CACNA1A: variants seen among roughly 807,000 people sequenced by gnomAD.
CACNA1A encodes the protein calcium voltage-gated channel subunit alpha1 A, also known as voltage-dependent P/Q-type calcium channel subunit alpha-1A.
A neutral mutation model predicts 262.4 loss-of-function variants in CACNA1A; 57 were observed. The ratio of observed to expected loss-of-function variants is 0.22; its 90% CI spans 0.18 to 0.27. CACNA1A has a LOEUF of 0.27. Ranked by LOEUF, CACNA1A falls within the 10% of genes least tolerant of loss-of-function variation. The probability of loss-of-function intolerance (pLI) is 1.00; values close to 1 mark genes in which losing one functional copy is unlikely to be tolerated. For synonymous variants in CACNA1A, 1,431 were observed against 1,419.3 expected (o/e 1.01, Z -0.18); for missense variants, 2,526 against 3,562.8 (o/e 0.71, Z 7.41).
Position 13,321,969 on chromosome 19 carries a change from C to T in CACNA1A, c.1346-4648G>A, listed in dbSNP as rs143598354. 1.6e-4 allele frequency among the ~76,000 whole-genome samples: 25 copies of T among 152,152 alleles called. No homozygotes were observed. In the East Asian group the frequency reaches 3.5e-3, roughly 21 times the overall value. The stretch of plus-strand genomic sequence containing the variant: ...CCGTAATCCCAACACTTTGGGAGGC[C>T]GAGATGGGCAGATCGTAAGGTCAGG... On this transcript the variant is annotated intron_variant, in intron 10 of 46. Coordinates refer to ENST00000360228, the MANE Select transcript of CACNA1A (RefSeq NM_001127222.2).
At chr19:13,319,287 TCATC>T (rs747827852) in intron 10 of CACNA1A, among the ~76,000 whole-genome samples, 2 of 152,250 alleles carry the variant, frequency 1.3e-5, no homozygotes, top group Admixed American at 6.5e-5. Flanking sequence ...ATTCATTCTT[TCATC>T]CATCCATTTG....
rs16043 is a variant in CACNA1A at position 13,214,614 on chromosome 19, A to G, written c.5732-6T>C. 1.1e-3 allele frequency: 1,827 copies of G among 1,610,218 alleles called. 26 individuals are homozygous for G. In the South Asian group the frequency reaches 0.016, roughly 14 times the overall value. ...CTGCTGTTTGTCGGCTCCTCCTGCA[A>G]TGGGGGTGTAGACAGACCCTGACTG... On this transcript the variant is annotated splice_region_variant and splice_polypyrimidine_tract_variant and intron_variant, in intron 38 of 46. Transcript: ENST00000360228. The surrounding 1 kb of genome is among the most constrained non-coding windows in gnomAD (Gnocchi z 4.1).
chr19:13,489,013 T>C (rs1418713554), intron 1 of CACNA1A, among the ~76,000 whole-genome samples: 7 of 124,442 alleles, frequency 5.6e-5, no homozygotes, highest in Non-Finnish European at 8.3e-5. Flanking sequence ...CTTTTTTTTT[T>C]TTTTTTTTTT....
chr19:13,230,436 TGAGA>T (rs1187900600), intron 35 of CACNA1A, among the ~76,000 whole-genome samples: 1 of 150,852 alleles, frequency 6.6e-6, no homozygotes, highest in Non-Finnish European at 1.5e-5. Context: ...GGAGGTCCAG[TGAGA>T]GAGAGATCAA....
intron 1 of CACNA1A, among the ~76,000 whole-genome samples, chr19:13,480,167 T>C (rs950870462): frequency 2.6e-5 from 4 of 152,350 alleles, no homozygotes; most frequent in Non-Finnish European, 4.4e-5. Flanking sequence ...GGTCCACTTA[T>C]GTAGATTTGT....
At position 13,241,528 on chromosome 19, in the gene CACNA1A, T is replaced by C; in HGVS notation, c.4950+3654A>G. 6.7e-7 allele frequency: 1 copy of C among 1,487,624 alleles called. No homozygotes were observed. The highest frequency in any genetic ancestry group is 9.0e-7 in the Non-Finnish European group (1 of 1,106,290). The allele number at this position is 1,487,624 out of a possible 1,614,324, so 92.2% of individuals were successfully genotyped here. ...GAAAGAAGTAAGACCAACCGGATTC[T>C]AGATGCAGATGTTGAAGATGAGGGG... is the stretch of plus-strand genomic sequence containing the variant. On this transcript the variant is annotated intron_variant, in intron 31 of 46. Coordinates refer to ENST00000360228, the MANE Select transcript of CACNA1A (RefSeq NM_001127222.2). The surrounding 1 kb of genome is among the most constrained non-coding windows in gnomAD (Gnocchi z 4.0).
Position 13,207,393 on chromosome 19 carries a change from C to T in CACNA1A, c.7441G>A (p.Gly2481Arg), listed in dbSNP as rs765523382. 48 of 1,540,300 alleles carry T rather than the reference C, an allele frequency of 3.1e-5. No homozygotes were observed. The Admixed American group carries it at 4.8e-4, about 15-fold the overall frequency. ...RLPNGYYPAHGLARPRGPGSR... is the reference protein window; with the variant it reads ...RLPNGYYPAHRLARPRGPGSR... ...CCCGGCCCGCGGGGCCTGGCCAGTC[C>T]GTGCGCCGGGTAGTAGCCGTTGGGG... The change falls in exon 47 of 47, where the codon GGA (glycine) becomes AGA (arginine). Residue 2481 changes from glycine to arginine, a missense_variant. Transcript: ENST00000360228. The surrounding 1 kb of genome is among the most constrained non-coding windows in gnomAD (Gnocchi z 5.7).
intron 31 of CACNA1A, among the ~76,000 whole-genome samples, chr19:13,240,167 AG>A (rs1321540516): frequency 1.4e-5 from 2 of 142,674 alleles, no homozygotes; most frequent in Non-Finnish European, 3.0e-5. Flanking sequence ...AAAAAAAAAA[AG>A]AGCGAGAGAG....
rs1568709860 is a variant in CACNA1A, at chr19:13,497,552, AT to A, written c.293+8379del. ...TATATATATATATATATATATATATATATATATATATATATATATATATATA... is the reference window on the plus strand; with the variant it reads ...TATATATATATATATATATATATATAATATATATATATATATATATATATA... On this transcript the variant is annotated intron_variant, in intron 1 of 46. Coordinates refer to ENST00000360228, the MANE Select transcript of CACNA1A (RefSeq NM_001127222.2). 1.1e-3 allele frequency among the ~76,000 whole-genome samples: 70 copies of A among 63,300 alleles called. 19 individuals carry two copies. Among genetic ancestry groups the A allele is most frequent in the African/African-American group, 1.1e-3 (18 of 16,036 alleles). The allele number at this position is 63,300 out of a possible 152,430, so 41.5% of individuals were successfully genotyped here. A position where few individuals can be genotyped will look rare whatever the true frequency, so the allele number is the denominator to read the frequency against.
rs542885064 is a variant in CACNA1A at position 13,281,303 on chromosome 19, G to A, written c.3822+1964C>T. 1.8e-3 allele frequency among the ~76,000 whole-genome samples: 278 copies of A among 151,268 alleles called. 1 individual carries two copies. Among genetic ancestry groups the A allele is most frequent in the African/African-American group, 6.3e-3 (259 of 41,180 alleles). On this transcript the variant is annotated intron_variant, in intron 22 of 46. Coordinates refer to ENST00000360228, the MANE Select transcript of CACNA1A (RefSeq NM_001127222.2). ...TGAGGTGGGAGGATCACTTGAGCCC[G>A]GGACGTTGAGGCTGCAGTGAGCCAT...
intron 11 of CACNA1A, chr19:13,315,878 C>A (rs2058117314): frequency 6.6e-6 from 1 of 152,230 alleles, no homozygotes; most frequent in Non-Finnish European, 1.5e-5. Flanking sequence ...GAAGTCCTTA[C>A]TTGGGGCCTG....
intron 1 of CACNA1A, among the ~76,000 whole-genome samples, chr19:13,472,845 C>T (rs1464349317): frequency 6.6e-6 from 1 of 152,132 alleles, no homozygotes; most frequent in Non-Finnish European, 1.5e-5. Context: ...AGCCTCTGGC[C>T]ATGACCTTAT....
intron 1 of CACNA1A, among the ~76,000 whole-genome samples, chr19:13,466,176 C>T (rs931739580): frequency 2.6e-5 from 4 of 151,808 alleles, no homozygotes; most frequent in African/African-American, 9.7e-5. Flanking sequence ...GCAAATTGCA[C>T]CTGATTTTTT....
chr19:13,376,924 G>GA (rs1432824297), intron 3 of CACNA1A, among the ~76,000 whole-genome samples: 10 of 141,758 alleles, frequency 7.1e-5, no homozygotes, highest in African/African-American at 2.5e-4. Context: ...TTACATATAT[G>GA]TTATATATAT....
chr19:13,208,415 G>T (rs943931227), intron 46 of CACNA1A, among the ~76,000 whole-genome samples: 1 of 152,082 alleles, frequency 6.6e-6, no homozygotes, highest in African/African-American at 2.4e-5. Context: ...AATCATAATT[G>T]AAACAAAAAC....
At chr19:13,224,606 A>G in intron 38 of CACNA1A, 61 bp downstream of exon 38, 1 of 1,116,436 alleles carries the variant, frequency 9.0e-7, no homozygotes, top group Non-Finnish European at 1.3e-6. Flanking sequence ...TGGGGTAGGG[A>G]GGGAGATCCC....
At chr19:13,481,404 T>C (rs1375333310) in intron 1 of CACNA1A, among the ~76,000 whole-genome samples, 1 of 152,204 alleles carries the variant, frequency 6.6e-6, no homozygotes, top group Non-Finnish European at 1.5e-5. Flanking sequence ...GCTGGTCAGC[T>C]GCCAGAGGCA....
chr19:13,494,814 C>T (rs1981303888), intron 1 of CACNA1A, among the ~76,000 whole-genome samples: 1 of 152,078 alleles, frequency 6.6e-6, no homozygotes, highest in Non-Finnish European at 1.5e-5. Context: ...CTCATGAGAA[C>T]TCACTATCAC....
intron 37 of CACNA1A, chr19:13,226,537 G>A: frequency 6.6e-6 from 1 of 152,402 alleles, no homozygotes; most frequent in Non-Finnish European, 1.5e-5. Flanking sequence ...AATCTTTAAA[G>A]GTCATCCCTG....
Sources: gnomAD v4.1 joint callset for allele counts (sites outside exome capture counted in the v4.1 genomes callset) on GRCh38, gnomAD v4.1.1 for gene constraint, Gnocchi (gnomAD v3.1) non-coding constraint, MANE v1.5 for transcripts, NCBI Gene and HGNC (gene_info 2026-07-23, HGNC 2026-07-21) for gene names.